Variants in CHD9 observed in about 807,000 individuals in gnomAD.
CHD9 encodes ATP-dependent chromatin remodeler CHD9.
In CHD9, 77 loss-of-function variants were observed where a neutral mutation model predicts 316.1. That is an observed-to-expected ratio of 0.24 (90% CI 0.20 to 0.29). The LOEUF (loss-of-function observed/expected upper bound fraction) is 0.29, where lower values mean the gene tolerates loss of function less well. Ranked by LOEUF, CHD9 falls within the 10% of genes least tolerant of loss-of-function variation. CHD9 has a pLI of 1.00. For synonymous variants in CHD9, 1,129 were observed against 1,158.3 expected (o/e 0.97, Z 0.51); for missense variants, 2,763 against 3,438.1 (o/e 0.80, Z 4.91).
chr16:53,176,017 A>G (rs1026950615), intron 2 of CHD9, among the ~76,000 whole-genome samples: 2 of 152,218 alleles, frequency 1.3e-5, no homozygotes, highest in Non-Finnish European at 2.9e-5. Context: ...ACCTACAACC[A>G]TGTATCAGTT....
chr16:53,197,144 G>A (rs1004455433), intron 2 of CHD9, among the ~76,000 whole-genome samples: 6 of 152,158 alleles, frequency 3.9e-5, no homozygotes, highest in African/African-American at 1.4e-4. Context: ...TGGCAGACTA[G>A]TAGAAAGGTT....
At chr16:53,102,744 G>A (rs2036993183) in intron 1 of CHD9, among the ~76,000 whole-genome samples, 2 of 152,074 alleles carry the variant, frequency 1.3e-5, no homozygotes, top group African/African-American at 4.8e-5. Flanking sequence ...TAGCTACTCA[G>A]GAGGCTGAGG....
At chr16:53,138,267 GA>G (rs888203483) in intron 1 of CHD9, among the ~76,000 whole-genome samples, 3 of 152,064 alleles carry the variant, frequency 2.0e-5, no homozygotes, top group South Asian at 2.1e-4. Flanking sequence ...CCATTAGTAA[GA>G]AAAAAATGTT....
At chr16:53,135,226 T>A (rs925302464) in intron 1 of CHD9, among the ~76,000 whole-genome samples, 2 of 152,064 alleles carry the variant, frequency 1.3e-5, no homozygotes, top group African/African-American at 2.4e-5. Context: ...TGAGCTGAAA[T>A]GAGAGATAGA....
At chr16:53,281,066 C>T (rs1338711885) in intron 24 of CHD9, among the ~76,000 whole-genome samples, 1 of 152,180 alleles carries the variant, frequency 6.6e-6, no homozygotes, top group Non-Finnish European at 1.5e-5. Flanking sequence ...GCTCCGTCCT[C>T]AGCTCTCTTA....
At chr16:53,283,196 C>T (rs951032347) in intron 24 of CHD9, among the ~76,000 whole-genome samples, 7 of 152,174 alleles carry the variant, frequency 4.6e-5, no homozygotes, top group Admixed American at 1.3e-4. Flanking sequence ...AACCAGAGTA[C>T]CCTGCCACAG....
chr16:53,166,494 G>GGACT (rs2152768119), intron 2 of CHD9, among the ~76,000 whole-genome samples: 1 of 152,112 alleles, frequency 6.6e-6, no homozygotes, highest in African/African-American at 2.4e-5. Context: ...AGATACCTTA[G>GGACT]GACTACTCAG....
chr16:53,065,704 T>C (rs577445270), intron 1 of CHD9, among the ~76,000 whole-genome samples: 30 of 150,698 alleles, frequency 2.0e-4, no homozygotes, highest in Non-Finnish European at 3.4e-4. Flanking sequence ...CTGAGCTGCC[T>C]GTAATACTCA....
intron 1 of CHD9, among the ~76,000 whole-genome samples, chr16:53,125,054 T>C (rs1379646295): frequency 6.6e-6 from 1 of 152,196 alleles, no homozygotes; most frequent in African/African-American, 2.4e-5. Flanking sequence ...ATATTGGCTA[T>C]TTGTAGATCT....
chr16:53,260,442 G>A (rs958331631), intron 19 of CHD9, among the ~76,000 whole-genome samples: 3 of 152,064 alleles, frequency 2.0e-5, no homozygotes, highest in Non-Finnish European at 2.9e-5. Flanking sequence ...TCATACAGCT[G>A]TACTCCAGTC....
intron 2 of CHD9, among the ~76,000 whole-genome samples, chr16:53,173,968 T>G (rs915244427): frequency 1.3e-5 from 2 of 152,212 alleles, no homozygotes. Context: ...ATCTCACAGA[T>G]TTGTATTATG....
chr16:53,146,261 C>T lies in CHD9; in HGVS notation c.-164-9665C>T, dbSNP rs558036775. On this transcript the variant is annotated intron_variant, in intron 1 of 38. Coordinates refer to ENST00000447540, the MANE Select transcript of CHD9 (RefSeq NM_001308319.2). ...AAAAAAAATTAGTCGGGCATTGTGACGGGCGCCTGTAATCCCAGCTACTCG... is the reference window on the plus strand; with the variant it reads ...AAAAAAAATTAGTCGGGCATTGTGATGGGCGCCTGTAATCCCAGCTACTCG... Among the ~76,000 whole-genome samples the T allele has an allele frequency of 4.9e-4, 71 of 145,146 alleles. 1 individual carries two copies. The South Asian group carries it at 0.015, about 30-fold the overall frequency.
At chr16:53,083,432 A>C (rs948374157) in intron 1 of CHD9, among the ~76,000 whole-genome samples, 1 of 152,216 alleles carries the variant, frequency 6.6e-6, no homozygotes, top group African/African-American at 2.4e-5. Flanking sequence ...AATGCCAGAG[A>C]AAGAGATTAT....
chr16:53,236,466 A>G (rs1426256678), intron 11 of CHD9, among the ~76,000 whole-genome samples: 2 of 151,982 alleles, frequency 1.3e-5, no homozygotes, highest in African/African-American at 2.4e-5. Flanking sequence ...CCTTACTTCA[A>G]TCACTTATCC....
At chr16:53,234,098 C>G (rs2048410053) in intron 10 of CHD9, among the ~76,000 whole-genome samples, 1 of 151,998 alleles carries the variant, frequency 6.6e-6, no homozygotes, top group Admixed American at 6.6e-5. Context: ...ATGTTTTGTA[C>G]CATGAATATC....
intron 2 of CHD9, among the ~76,000 whole-genome samples, chr16:53,205,921 A>G (rs1018372514): frequency 1.3e-5 from 2 of 152,006 alleles, no homozygotes; most frequent in African/African-American, 4.8e-5. Flanking sequence ...ACACATACAC[A>G]TTCTTTCTCA....
At chr16:53,058,605 G>A (rs920075464) in intron 1 of CHD9, among the ~76,000 whole-genome samples, 5 of 152,174 alleles carry the variant, frequency 3.3e-5, no homozygotes, top group African/African-American at 1.2e-4. Flanking sequence ...GTGAAAGGGA[G>A]AGAGGCTGGG....
intron 2 of CHD9, among the ~76,000 whole-genome samples, chr16:53,178,427 C>CTTTTTTTTTTTTTTTTTTTTTT (rs10569589): frequency 1.0e-5 from 1 of 98,974 alleles, no homozygotes; most frequent in Admixed American, 1.1e-4. Context: ...TTGTTGGTTT[C>CTTTTTTTTTTTTTTTTTTTTTT]TTTTTTTTTT....
chr16:53,062,240 A>C (rs2032992754), intron 1 of CHD9, among the ~76,000 whole-genome samples: 1 of 152,252 alleles, frequency 6.6e-6, no homozygotes, highest in African/African-American at 2.4e-5. Flanking sequence ...AAGAGGCAAC[A>C]GTAAGTGTGA....
Sources: gnomAD v4.1 joint callset for allele counts (sites outside exome capture counted in the v4.1 genomes callset) on GRCh38, gnomAD v4.1.1 for gene constraint, MANE v1.5 for transcripts, NCBI Gene and HGNC (gene_info 2026-07-23, HGNC 2026-07-21) for gene names.